RGS12: variants seen among roughly 807,000 people sequenced by gnomAD.
RGS12 encodes the protein regulator of G-protein signaling 12.
A neutral mutation model predicts 120.1 loss-of-function variants in RGS12; 66 were observed. The observed-to-expected ratio is 0.55, with a 90% CI of 0.45 to 0.67. RGS12 has a LOEUF of 0.67. RGS12 is among the 30% of genes least tolerant of loss of function. The pLI is 0.00. For missense variants in RGS12, 1,859 were observed against 1,957.7 expected, an observed-to-expected ratio of 0.95 and a Z score of 0.95; for synonymous variants, 827 against 804.7, an observed-to-expected ratio of 1.03 and a Z score of -0.47.
intron 13 of RGS12, among the ~76,000 whole-genome samples, chr4:3,425,257 C>A (rs1723487283): frequency 6.6e-6 from 1 of 152,142 alleles, no homozygotes; most frequent in African/African-American, 2.4e-5. Context: ...TTCCATCGAG[C>A]TTAGGATGGT....
At chr4:3,431,144 T>A (rs1724261234) in intron 17 of RGS12, 189 bp downstream of exon 17, 1 of 1,425,494 alleles carries the variant, frequency 7.0e-7, no homozygotes, top group South Asian at 1.5e-5. Flanking sequence ...CCCAGGCCAG[T>A]GTCTGTCAGG....
chr4:3,331,750 A>G (rs114771446), intron 2 of RGS12, among the ~76,000 whole-genome samples: 5,820 of 152,242 alleles, frequency 0.038, 288 homozygotes, highest in African/African-American at 0.12. Context: ...ACTGCTCTCC[A>G]TCCCCAGCGA....
At chr4:3,286,326 C>T in the RGS12 span, among the ~76,000 whole-genome samples, 3 of 152,188 alleles carry the variant, frequency 2.0e-5, no homozygotes, top group Non-Finnish European at 4.4e-5. Context: ...ATGCAGCCTG[C>T]CCGGTTTCTG....
chr4:3,429,178 G>A (rs536019646), intron 16 of RGS12, among the ~76,000 whole-genome samples: 4 of 152,144 alleles, frequency 2.6e-5, no homozygotes, highest in South Asian at 2.1e-4. Context: ...GGCTGCGGGG[G>A]TCAGTGAGGA....
intron 1 of RGS12, among the ~76,000 whole-genome samples, chr4:3,307,125 C>T (rs558627639): frequency 6.6e-6 from 1 of 152,252 alleles, no homozygotes; most frequent in African/African-American, 2.4e-5. Context: ...TGCCTCCCCC[C>T]ACAAGCTTAG....
At chr4:3,426,972 G>C (rs916919968) in intron 14 of RGS12, among the ~76,000 whole-genome samples, 2 of 152,152 alleles carry the variant, frequency 1.3e-5, no homozygotes, top group African/African-American at 4.8e-5. Flanking sequence ...TGTCACGCAG[G>C]GAGCACGTGG....
intron 3 of RGS12, chr4:3,370,165 G>T: frequency 1.3e-6 from 2 of 1,566,294 alleles, no homozygotes; most frequent in Non-Finnish European, 1.7e-6. Flanking sequence ...GAGCGAGAGG[G>T]AACTTCATCG....
intron 5 of RGS12, 111 bp from the exon 6 acceptor site, chr4:3,414,641 C>A: frequency 1.3e-6 from 1 of 791,354 alleles, no homozygotes; most frequent in East Asian, 2.4e-5. Flanking sequence ...TCTCCAGGCC[C>A]TCGGGCAGCT....
Position 3,428,672 on chromosome 4 carries a change from A to G in RGS12, c.3526A>G (p.Lys1176Glu), listed in dbSNP as rs760916479. The G allele has an allele frequency of 3.1e-5, 49 of 1,575,426 alleles. No homozygotes were observed. The highest frequency in any genetic ancestry group is 5.5e-5 in the African/African-American group (4 of 72,870). Residue 1176 changes from lysine to glutamate, a missense_variant, in exon 16 of 18, where the codon AAA becomes GAA. Around this residue, in one of 3 missense-constraint regions of RGS12, gnomAD observed 517 missense variants for 488.5 expected, o/e 1.06. Coordinates refer to ENST00000336727, the MANE Select transcript of RGS12 (RefSeq NM_001394154.1). ...AGAAGAATCTATTGCAAAGATTGGG[A>G]AAAAAAAATATCAGAAAATTAATTT... is the stretch of plus-strand genomic sequence containing the variant. ...KREESIAKIG[K>E]KKYQKINLDE...
chr4:3,420,786 C>G lies in RGS12; in HGVS notation c.2838+68C>G. 5 of 1,280,786 alleles carry G rather than the reference C, an allele frequency of 3.9e-6. No individual in the cohort carries two copies. The East Asian group carries it at 7.1e-5, about 18-fold the overall frequency. 79.3% of individuals were successfully genotyped at this position (1,280,786 alleles called of 1,614,324 possible). On this transcript the variant is annotated intron_variant, in intron 10 of 17. Transcript: ENST00000336727. ...CCCCACCAGCTGACTGATGACACCT[C>G]TCTCCCATGGAAACCTGTGTTTACA... is the stretch of plus-strand genomic sequence containing the variant.
At chr4:3,368,904 C>T (rs935707956) in intron 3 of RGS12, among the ~76,000 whole-genome samples, 24 of 152,134 alleles carry the variant, frequency 1.6e-4, no homozygotes, top group Admixed American at 8.5e-4. Context: ...CCATGCCTGT[C>T]GTACCTAATG....
chr4:3,427,645 A>G (rs912320185), intron 14 of RGS12, among the ~76,000 whole-genome samples: 1 of 152,192 alleles, frequency 6.6e-6, no homozygotes, highest in African/African-American at 2.4e-5. Flanking sequence ...CTGAGGCAGG[A>G]GAATTGCTTG....
At chr4:3,350,015 C>T (rs1714211419) in intron 3 of RGS12, among the ~76,000 whole-genome samples, 1 of 152,164 alleles carries the variant, frequency 6.6e-6, no homozygotes, top group South Asian at 2.1e-4. Context: ...ACCTAGGTTA[C>T]TTATGAAAAC....
chr4:3,367,180 G>C lies in RGS12; in HGVS notation c.1999-19236G>C, dbSNP rs1716398703. Among the ~76,000 whole-genome samples the C allele has an allele frequency of 2.0e-5, 3 of 152,236 alleles. No homozygotes were observed. The South Asian group carries it at 6.2e-4, about 32-fold the overall frequency. ...CAGCTGGGCGGTGATATGCAGGCCTGAGTCCCCGCTGCACCACAGCTGCCT... is the reference window on the plus strand; with the variant it reads ...CAGCTGGGCGGTGATATGCAGGCCTCAGTCCCCGCTGCACCACAGCTGCCT... On this transcript the variant is annotated intron_variant, in intron 3 of 17. Coordinates refer to ENST00000336727, the MANE Select transcript of RGS12 (RefSeq NM_001394154.1).
At chr4:3,413,786 C>A (rs944554353) in intron 4 of RGS12, 27 of 385,224 alleles carry the variant, frequency 7.0e-5, no homozygotes, top group African/African-American at 5.0e-4. Context: ...TATGAGTGTG[C>A]GTGCAAGGGT....
intron 3 of RGS12, among the ~76,000 whole-genome samples, chr4:3,376,480 C>T (rs761257533): frequency 6.6e-6 from 1 of 152,198 alleles, no homozygotes; most frequent in African/African-American, 2.4e-5. Context: ...CAGGGGCCAT[C>T]GAAGTCCTTG....
chr4:3,428,239 G>T (rs1399622067), intron 15 of RGS12, 70 bp downstream of exon 15: 1 of 1,360,160 alleles, frequency 7.4e-7, no homozygotes, highest in South Asian at 1.2e-5. Flanking sequence ...CCTGCGCAGT[G>T]CCCTGGTGCT....
chr4:3,428,712 G>GATA lies in RGS12; in HGVS notation c.3565+1_3565+2insATA. Reference sequence around the variant, plus strand: ...AAAATTAATTTGGACGAAGCAGAGGGTATGTGAACTTTTTAAAACTTCCAC... The same window carrying GATA: ...AAAATTAATTTGGACGAAGCAGAGGGATATATGTGAACTTTTTAAAACTTCCAC... On this transcript the variant is annotated splice_donor_variant, in intron 16 of 17. Coordinates refer to ENST00000336727, the MANE Select transcript of RGS12 (RefSeq NM_001394154.1). LOFTEE classifies it high-confidence loss of function. The GATA allele has an allele frequency of 6.3e-7, 1 of 1,579,984 alleles. No homozygotes were observed. Among genetic ancestry groups the GATA allele is most frequent in the Non-Finnish European group, 8.5e-7 (1 of 1,169,826 alleles).
chr4:3,409,763 TG>T (rs1412590138), intron 4 of RGS12, among the ~76,000 whole-genome samples: 1 of 152,186 alleles, frequency 6.6e-6, no homozygotes, highest in East Asian at 1.9e-4. Context: ...TCAGCAACCG[TG>T]GGGGGTTGAG....
Sources: allele counts gnomAD v4.1 joint callset (sites outside exome capture counted in the v4.1 genomes callset), GRCh38; gene constraint gnomAD v4.1.1; regional missense constraint gnomAD v4.1.1; transcripts MANE v1.5; gene names NCBI Gene and HGNC (gene_info 2026-07-23, HGNC 2026-07-21).